The following EPHA6 variants were observed in gnomAD, a reference collection of about 807,000 sequenced individuals.
The protein encoded by EPHA6 is EPH receptor A6.
EPHA6 carries 50 observed loss-of-function variants against 112.0 expected under a neutral mutation model. The ratio of observed to expected loss-of-function variants is 0.45; its 90% CI spans 0.36 to 0.56. The LOEUF (loss-of-function observed/expected upper bound fraction) is 0.56. Among genes scored for constraint, EPHA6 ranks in the 20% least tolerant of loss-of-function variants. The pLI is 0.00. For synonymous variants in EPHA6, 529 were observed against 490.7 expected (o/e 1.08, Z -1.03); for missense variants, 1,280 against 1,417.4 (o/e 0.90, Z 1.56).
intron 5 of EPHA6, among the ~76,000 whole-genome samples, chr3:97,353,631 A>G (rs1368879935): frequency 6.6e-6 from 1 of 152,084 alleles, no homozygotes; most frequent in Non-Finnish European, 1.5e-5. Flanking sequence ...GTCGATCCCT[A>G]AGGTTTCCAA....
chr3:96,920,757 TTAAA>T (rs1211056155), intron 2 of EPHA6, among the ~76,000 whole-genome samples: 1 of 151,996 alleles, frequency 6.6e-6, no homozygotes, highest in Non-Finnish European at 1.5e-5. Context: ...CCCCACTTAT[TTAAA>T]TAACTCCATT....
intron 3 of EPHA6, among the ~76,000 whole-genome samples, chr3:97,168,388 G>A (rs1051679584): frequency 2.0e-5 from 3 of 152,028 alleles, no homozygotes; most frequent in Non-Finnish European, 4.4e-5. Context: ...AGATCGTGGG[G>A]GTGGTTTCTA....
At chr3:97,481,644 C>T (rs1049369368) in intron 9 of EPHA6, 13 of 429,130 alleles carry the variant, frequency 3.0e-5, no homozygotes, top group South Asian at 1.8e-4. Flanking sequence ...CGCTTGGAGA[C>T]GCCCCGCCCC....
intron 13 of EPHA6, among the ~76,000 whole-genome samples, chr3:97,631,948 G>T (rs997047359): frequency 3.9e-5 from 6 of 151,970 alleles, no homozygotes; most frequent in Non-Finnish European, 8.8e-5. Context: ...CTTGACATCA[G>T]TGATTCTCCA....
At chr3:96,962,624 GTCCC>G (rs1281567705) in intron 2 of EPHA6, among the ~76,000 whole-genome samples, 4 of 150,304 alleles carry the variant, frequency 2.7e-5, no homozygotes, top group African/African-American at 9.9e-5. Flanking sequence ...AATTTGCACT[GTCCC>G]TTTTAAGCTT....
At chr3:97,298,608 C>T (rs993348179) in intron 5 of EPHA6, among the ~76,000 whole-genome samples, 3 of 151,968 alleles carry the variant, frequency 2.0e-5, no homozygotes, top group Non-Finnish European at 4.4e-5. Flanking sequence ...ATGCATGATT[C>T]AATCTTAATT....
At chr3:97,236,425 A>G (rs914159499) in intron 4 of EPHA6, among the ~76,000 whole-genome samples, 1 of 152,064 alleles carries the variant, frequency 6.6e-6, no homozygotes, top group African/African-American at 2.4e-5. Flanking sequence ...ATGTATTTAA[A>G]TCAATAGAGA....
intron 5 of EPHA6, among the ~76,000 whole-genome samples, chr3:97,310,065 AT>A (rs2081484906): frequency 6.6e-6 from 1 of 151,668 alleles, no homozygotes; most frequent in Non-Finnish European, 1.5e-5. Flanking sequence ...GGTTGATTAT[AT>A]AACTCTTTTG....
chr3:97,688,192 G>A (rs1282381658), intron 14 of EPHA6, among the ~76,000 whole-genome samples: 1 of 152,114 alleles, frequency 6.6e-6, no homozygotes, highest in Non-Finnish European at 1.5e-5. Flanking sequence ...TTCTGATTGT[G>A]TCTTTCAATG....
chr3:97,284,285 T>A (rs1289383835), intron 5 of EPHA6, among the ~76,000 whole-genome samples: 1 of 152,190 alleles, frequency 6.6e-6, no homozygotes, highest in African/African-American at 2.4e-5. Context: ...TACTTTTGAA[T>A]TAAAAATTAC....
chr3:97,681,729 T>A (rs1430543372), intron 14 of EPHA6, among the ~76,000 whole-genome samples: 1 of 152,002 alleles, frequency 6.6e-6, no homozygotes, highest in Non-Finnish European at 1.5e-5. Context: ...GATCCTTTTT[T>A]AATAAAATAC....
chr3:96,906,552 T>A (rs1016908561), intron 2 of EPHA6, among the ~76,000 whole-genome samples: 5 of 152,110 alleles, frequency 3.3e-5, no homozygotes, highest in Non-Finnish European at 7.4e-5. Flanking sequence ...CATCCTGACA[T>A]GTCACGTGCC....
At chr3:97,326,024 G>A (rs200741865) in intron 5 of EPHA6, among the ~76,000 whole-genome samples, 1 of 146,328 alleles carries the variant, frequency 6.8e-6, no homozygotes, top group Non-Finnish European at 1.5e-5. Flanking sequence ...TTTGATAGAA[G>A]TGTATCAAAT....
At chr3:96,994,572 A>G (rs2043332114) in intron 3 of EPHA6, among the ~76,000 whole-genome samples, 1 of 151,782 alleles carries the variant, frequency 6.6e-6, no homozygotes, top group African/African-American at 2.4e-5. Flanking sequence ...AGTAGCATGA[A>G]TCCCTAATAA....
intron 16 of EPHA6, 101 bp from the exon 17 acceptor site, chr3:97,747,322 G>A: frequency 2.0e-6 from 2 of 1,018,750 alleles, no homozygotes; most frequent in Non-Finnish European, 2.7e-6. Flanking sequence ...AAAAACATTA[G>A]ATGTAAGAAT....
intron 1 of EPHA6, among the ~76,000 whole-genome samples, chr3:96,865,287 C>T (rs1199707834): frequency 6.6e-6 from 1 of 151,984 alleles, no homozygotes; most frequent in African/African-American, 2.4e-5. Context: ...TAAAATTTAT[C>T]ACAGTGGTTC....
chr3:97,301,674 C>T (rs2081096854), intron 5 of EPHA6, among the ~76,000 whole-genome samples: 1 of 152,084 alleles, frequency 6.6e-6, no homozygotes, highest in Non-Finnish European at 1.5e-5. Flanking sequence ...GCAGTTTTCT[C>T]ACATATTTCT....
chr3:96,961,968 TA>T (rs1269559186), intron 2 of EPHA6, among the ~76,000 whole-genome samples: 1 of 152,168 alleles, frequency 6.6e-6, no homozygotes, highest in Non-Finnish European at 1.5e-5. Context: ...TTAAGCTACT[TA>T]ACACCATTGA....
chr3:97,305,465 C>T (rs2081276754), intron 5 of EPHA6, among the ~76,000 whole-genome samples: 1 of 151,620 alleles, frequency 6.6e-6, no homozygotes, highest in Non-Finnish European at 1.5e-5. Flanking sequence ...ATGAAATCAA[C>T]CCAAATGCCC....
Sources: gnomAD v4.1 joint callset for allele counts (sites outside exome capture counted in the v4.1 genomes callset) on GRCh38, gnomAD v4.1.1 for gene constraint, MANE v1.5 for transcripts, NCBI Gene and HGNC (gene_info 2026-07-23, HGNC 2026-07-21) for gene names.